Variants in RBM25 observed in about 807,000 individuals in gnomAD.
The protein encoded by RBM25 is RNA binding motif protein 25.
In RBM25, 19 loss-of-function variants were observed where a neutral mutation model predicts 120.7. That is an observed-to-expected ratio of 0.16 (90% CI 0.11 to 0.23). The LOEUF (loss-of-function observed/expected upper bound fraction) is 0.23. RBM25 is among the 10% of genes least tolerant of loss of function. RBM25 has a pLI of 1.00. For missense variants in RBM25, 605 were observed against 1,041.5 expected (o/e 0.58, Z 5.77); for synonymous variants, 390 against 326.7 (o/e 1.19, Z -2.09).
chr14:73,065,956 A>G (rs1895122813), intron 1 of RBM25, among the ~76,000 whole-genome samples: 1 of 152,202 alleles, frequency 6.6e-6, no homozygotes, highest in South Asian at 2.1e-4. Flanking sequence ...TTGTGAGGCT[A>G]GGCACTGGGC....
At position 73,123,023 on chromosome 14, in the gene RBM25, G is replaced by A. The variant is rs1391839423; in HGVS notation, c.*3218G>A. ...ATCTTGCAAAATTATGTCTGAGAAA[G>A]CCCTAATATTCTAGGCTTTTTTTCC... On this transcript the variant is annotated 3_prime_UTR_variant, in exon 19 of 19. Transcript: ENST00000261973. The A allele has an allele frequency of 6.6e-6, 1 of 152,016 alleles. No homozygotes were observed. Among genetic ancestry groups the A allele is most frequent in the Non-Finnish European group, 1.5e-5 (1 of 68,004 alleles). 9.4% of individuals were successfully genotyped at this position (152,016 alleles called of 1,614,324 possible).
chr14:73,076,106 A>G (rs966337156), intron 2 of RBM25, among the ~76,000 whole-genome samples: 1 of 152,186 alleles, frequency 6.6e-6, no homozygotes, highest in African/African-American at 2.4e-5. Flanking sequence ...TGAGGTGGCC[A>G]TTTTGTTTTC....
At chr14:73,101,541 A>G (rs953555316) in intron 9 of RBM25, 3 of 151,114 alleles carry the variant, frequency 2.0e-5, no homozygotes, top group Non-Finnish European at 2.9e-5. Flanking sequence ...TATCTCATAT[A>G]TAAACTTCAG....
chr14:73,080,213 C>CTTTTTTTTTTTTTTTTTTTTTTTT (rs766461418), intron 4 of RBM25, among the ~76,000 whole-genome samples: 1 of 67,178 alleles, frequency 1.5e-5, no homozygotes, highest in Non-Finnish European at 2.8e-5. Flanking sequence ...TCTTACACAT[C>CTTTTTTTTTTTTTTTTTTTTTTTT]TTTTTTTTTT....
chr14:73,058,799 G>A (rs377428569), intron 1 of RBM25, 94 bp downstream of exon 1: 1 of 151,786 alleles, frequency 6.6e-6, no homozygotes, highest in African/African-American at 2.4e-5. Context: ...GAAAGCGCCA[G>A]GGTGGGGTAG....
chr14:73,085,539 G>C (rs2140438751), intron 5 of RBM25, among the ~76,000 whole-genome samples: 1 of 150,796 alleles, frequency 6.6e-6, no homozygotes, highest in South Asian at 2.1e-4. Flanking sequence ...CCGCCTCCTG[G>C]GTTCAAGTGG....
intron 15 of RBM25, 21 bp from the exon 16 acceptor site, chr14:73,111,507 A>C: frequency 1.9e-6 from 3 of 1,567,682 alleles, no homozygotes; most frequent in Non-Finnish European, 2.6e-6. Context: ...TCATCTTGCT[A>C]AGAGAGTGTT....
chr14:73,110,881 A>G lies in RBM25; in HGVS notation c.1743A>G (p.Pro581=). ...GGCAGCCACAAATAAAGCAAGAGCC[A>G]GAATCAGAAGAGGAGGAAGAAGAAA... ...RRRQPQIKQE[P]ESEEEEEEKQ... The change falls in exon 15 of 19, where the codon CCA becomes CCG. Residue 581 remains proline, a synonymous_variant. Coordinates refer to ENST00000261973, the MANE Select transcript of RBM25 (RefSeq NM_021239.3). 1 of 1,613,044 alleles carries G rather than the reference A, an allele frequency of 6.2e-7. No individual in the cohort carries two copies. The highest frequency in any genetic ancestry group is 8.5e-7 in the Non-Finnish European group (1 of 1,179,626).
intron 18 of RBM25, among the ~76,000 whole-genome samples, chr14:73,116,482 G>C (rs1039465754): frequency 6.6e-6 from 1 of 152,166 alleles, no homozygotes; most frequent in Non-Finnish European, 1.5e-5. Context: ...TTCCTTTTCT[G>C]CTGCCTAGCT....
At position 73,105,126 on chromosome 14, in the gene RBM25, C is replaced by CTTTTTTTTTTTTTT. The variant is rs34862161; in HGVS notation, c.1155-728_1155-715dup. ...TGTAATCTGCAGTTTGGTTTTATTA[C>CTTTTTTTTTTTTTT]TTTTTTTTTTTTTTTTTTGGAGACG... is the stretch of plus-strand genomic sequence containing the variant. On this transcript the variant is annotated intron_variant, in intron 10 of 18. Transcript: ENST00000261973. Among the ~76,000 whole-genome samples, 3 of 109,564 alleles carry CTTTTTTTTTTTTTT rather than the reference C, an allele frequency of 2.7e-5. 1 individual carries two copies. Among genetic ancestry groups the CTTTTTTTTTTTTTT allele is most frequent in the African/African-American group, 1.1e-4 (3 of 26,650 alleles). The allele number at this position is 109,564 out of a possible 152,430, so 71.9% of individuals were successfully genotyped here. A position where few individuals can be genotyped will look rare whatever the true frequency, so the allele number is the denominator to read the frequency against.
intron 15 of RBM25, 148 bp from the exon 16 acceptor site, chr14:73,111,380 C>T (rs1288171665): frequency 1.0e-6 from 1 of 993,872 alleles, no homozygotes; most frequent in East Asian, 2.5e-5. Flanking sequence ...TTTTCTAGCA[C>T]TTGTGAGTAG....
chr14:73,117,221 T>C (rs1418873682), intron 18 of RBM25, among the ~76,000 whole-genome samples: 11 of 45,120 alleles, frequency 2.4e-4, no homozygotes, highest in South Asian at 9.1e-4. Context: ...TTTTTTTTTT[T>C]TTTTTTTTTT....
chr14:73,103,633 A>G (rs1486191424), intron 10 of RBM25, among the ~76,000 whole-genome samples, 155 bp downstream of exon 10: 1 of 152,060 alleles, frequency 6.6e-6, no homozygotes, highest in Non-Finnish European at 1.5e-5. Flanking sequence ...TGGCTGAGCA[A>G]TCTCCGCCTC....
At chr14:73,070,336 C>T (rs1286397296) in intron 1 of RBM25, among the ~76,000 whole-genome samples, 1 of 152,082 alleles carries the variant, frequency 6.6e-6, no homozygotes, top group Non-Finnish European at 1.5e-5. Flanking sequence ...GGATTACAGG[C>T]GTGAGCCACT....
At chr14:73,112,561 T>A (rs1415839557) in intron 17 of RBM25, among the ~76,000 whole-genome samples, 4 of 151,788 alleles carry the variant, frequency 2.6e-5, no homozygotes. Context: ...GTGCTGTCTT[T>A]CTGCCCCTGA....
intron 2 of RBM25, among the ~76,000 whole-genome samples, chr14:73,073,866 TTACAC>T (rs1408753483): frequency 1.3e-5 from 2 of 152,178 alleles, no homozygotes; most frequent in Non-Finnish European, 2.9e-5. Flanking sequence ...ATGTAAAAGT[TTACAC>T]TACTGCTTTA....
In RBM25 at chr14:73,111,676, A is replaced by G; in HGVS notation, c.2166A>G (p.Lys722=). The G allele has an allele frequency of 1.2e-6, 2 of 1,614,202 alleles. No homozygotes were observed. The highest frequency in any genetic ancestry group is 1.7e-6 in the Non-Finnish European group (2 of 1,180,030). ...LVPLDYGEDD[K]NATKGTVNTE... Reference sequence around the variant, plus strand: ...CCTTGGATTATGGTGAAGATGATAAAAATGCAACCAAAGGCACTGTAAACA... The same window carrying G: ...CCTTGGATTATGGTGAAGATGATAAGAATGCAACCAAAGGCACTGTAAACA... Residue 722 remains lysine (K), a synonymous_variant, in exon 16 of 19, where the codon AAA becomes AAG. Transcript: ENST00000261973.
At chr14:73,066,587 G>A (rs1895140121) in intron 1 of RBM25, among the ~76,000 whole-genome samples, 1 of 150,276 alleles carries the variant, frequency 6.7e-6, no homozygotes, top group African/African-American at 2.4e-5. Flanking sequence ...ACAGGCGGAG[G>A]TTTCAGTGAG....
intron 4 of RBM25, among the ~76,000 whole-genome samples, chr14:73,079,235 C>A (rs1895499851): frequency 6.6e-6 from 1 of 150,466 alleles, no homozygotes; most frequent in South Asian, 2.1e-4. Context: ...CCAGCCTGAT[C>A]AACATGGTGA....
Sources: gnomAD v4.1 joint callset for allele counts (sites outside exome capture counted in the v4.1 genomes callset) on GRCh38, gnomAD v4.1.1 for gene constraint, MANE v1.5 for transcripts, NCBI Gene and HGNC (gene_info 2026-07-23, HGNC 2026-07-21) for gene names.